The following EML6 variants were observed in gnomAD, a reference collection of about 807,000 sequenced individuals.
EML6 encodes the protein EMAP like 6, also known as echinoderm microtubule-associated protein-like 6.
A neutral mutation model predicts 240.1 loss-of-function variants in EML6; 154 were observed. The observed-to-expected ratio is 0.64, with a 90% CI of 0.56 to 0.73. EML6 has a LOEUF of 0.73. Ranked by LOEUF, EML6 falls within the 30% of genes least tolerant of loss-of-function variation. The probability of loss-of-function intolerance (pLI) is 0.00; values close to 1 mark genes in which losing one functional copy is unlikely to be tolerated. For missense variants in EML6, 2,964 were observed against 2,474.6 expected (o/e 1.20, Z -4.20); for synonymous variants, 1,148 against 899.0 (o/e 1.28, Z -4.95).
Position 54,779,546 on chromosome 2 carries a change from C to CAA in EML6, c.198-33669_198-33668dup, listed in dbSNP as rs57641161. Among the ~76,000 whole-genome samples, 87 of 96,700 alleles carry CAA rather than the reference C, an allele frequency of 9.0e-4. 1 individual carries two copies. Among genetic ancestry groups the CAA allele is most frequent in the African/African-American group, 2.7e-3 (68 of 25,356 alleles). 63.4% of individuals were successfully genotyped at this position (96,700 alleles called of 152,430 possible). ...GGGCGACAAAAGTGAGACTCTGTCT[C>CAA]AAAAAAAAAAAAAAAAAAGAATATA... On this transcript the variant is annotated intron_variant, in intron 2 of 41. Transcript: ENST00000356458.
At chr2:54,849,512 G>A (rs773376922) in intron 9 of EML6, among the ~76,000 whole-genome samples, 9 of 152,120 alleles carry the variant, frequency 5.9e-5, no homozygotes, top group Non-Finnish European at 1.2e-4. Context: ...ATTTTAAGAC[G>A]GAGTCTTGCT....
At chr2:54,968,573 G>A (rs532083701) in intron 40 of EML6, 95 bp from the exon 41 acceptor site, 1 of 788,488 alleles carries the variant, frequency 1.3e-6, no homozygotes, top group Admixed American at 2.1e-5. Context: ...GTGAAGGAAG[G>A]TTCTGGGAGC....
At chr2:54,800,334 C>A (rs931103821) in intron 2 of EML6, among the ~76,000 whole-genome samples, 2 of 152,148 alleles carry the variant, frequency 1.3e-5, no homozygotes, top group Non-Finnish European at 2.9e-5. Context: ...GTATCCCCCA[C>A]TGTTCCATCA....
At chr2:54,797,054 G>A (rs1669824422) in intron 2 of EML6, among the ~76,000 whole-genome samples, 1 of 151,020 alleles carries the variant, frequency 6.6e-6, no homozygotes, top group Non-Finnish European at 1.5e-5. Flanking sequence ...AGTCCCAGCT[G>A]CTCAGGAGGC....
rs35189000 is a variant in EML6 at position 54,801,319 on chromosome 2, G to GAAA, written c.198-11900_198-11898dup. 1.1e-3 allele frequency among the ~76,000 whole-genome samples: 108 copies of GAAA among 94,938 alleles called. 2 individuals carry two copies. The highest frequency in any genetic ancestry group is 1.3e-3 in the South Asian group (4 of 3,006). The allele number at this position is 94,938 out of a possible 152,430, so 62.3% of individuals were successfully genotyped here. On this transcript the variant is annotated intron_variant, in intron 2 of 41. Coordinates refer to ENST00000356458, the MANE Select transcript of EML6 (RefSeq NM_001039753.4). ...TACAGAGCGAGACTCTGTCTCAAAA[G>GAAA]AAAAAAAAAAAAAAAGGTTTCTCAT...
At chr2:54,801,212 C>T (rs1212056531) in intron 2 of EML6, among the ~76,000 whole-genome samples, 2 of 151,212 alleles carry the variant, frequency 1.3e-5, no homozygotes, top group African/African-American at 4.9e-5. Context: ...CCCAGATCCT[C>T]GGGAGGCTGG....
At chr2:54,968,351 T>C in intron 40 of EML6, 70 bp downstream of exon 40, 3 of 1,402,316 alleles carry the variant, frequency 2.1e-6, no homozygotes, top group South Asian at 1.2e-5. Flanking sequence ...AGGGGCCACG[T>C]CTAGATGGCC....
Position 54,959,221 on chromosome 2 carries a change from C to T in EML6, c.4813C>T (p.Leu1605Phe), listed in dbSNP as rs1202956188. The T allele has an allele frequency of 1.9e-6, 3 of 1,550,556 alleles. No individual in the cohort carries two copies. Among genetic ancestry groups the T allele is most frequent in the Non-Finnish European group, 2.6e-6 (3 of 1,146,498 alleles). Residue 1605 changes from leucine (L) to phenylalanine (F), a missense_variant, in exon 34 of 42, where the codon CTT (leucine) becomes TTT (phenylalanine). Coordinates refer to ENST00000356458, the MANE Select transcript of EML6 (RefSeq NM_001039753.4). ...CCCCGTGTTCACAATGTACACAACC[C>T]TTCGGGATGGACTCATAGTGACCGG... is the stretch of plus-strand genomic sequence containing the variant. ...TGPVFTMYTT[L>F]RDGLIVTGGK...
chr2:54,733,922 G>A (rs1683277823), intron 2 of EML6, among the ~76,000 whole-genome samples: 2 of 152,176 alleles, frequency 1.3e-5, no homozygotes, highest in Admixed American at 6.5e-5. Flanking sequence ...ACTACAGAAG[G>A]TGGAGTAGAA....
chr2:54,903,613 TC>T, intron 24 of EML6, 111 bp downstream of exon 24: 1 of 624,410 alleles, frequency 1.6e-6, no homozygotes, highest in Non-Finnish European at 2.5e-6. Context: ...GAAAGGGGAA[TC>T]CCACAACAAT....
chr2:54,965,637 G>GT (rs1676715336), intron 38 of EML6, among the ~76,000 whole-genome samples: 1 of 152,164 alleles, frequency 6.6e-6, no homozygotes, highest in Non-Finnish European at 1.5e-5. Flanking sequence ...TGAAATCATA[G>GT]GGAGTTGAAG....
intron 17 of EML6, 32 bp from the exon 18 acceptor site, chr2:54,891,022 C>G (rs1238506011): frequency 1.8e-6 from 2 of 1,115,682 alleles, no homozygotes; most frequent in East Asian, 2.6e-5. Flanking sequence ...TCCATCCAAA[C>G]TAGAATCTTA....
Position 54,829,372 on chromosome 2 carries a change from G to A in EML6, c.742G>A (p.Glu248Lys). Reference sequence around the variant, plus strand: ...AATCTTTAGCATGTATGCTTGTGAAGAAGGCTTTGCCACTGGTGGGCGAGA... The same window carrying A: ...AATCTTTAGCATGTATGCTTGTGAAAAAGGCTTTGCCACTGGTGGGCGAGA... ...AGIFSMYACE[E>K]GFATGGRDGC... is the part of the protein sequence containing the mutation. Residue 248 changes from glutamate (E) to lysine (K), a missense_variant, in exon 7 of 42, where the codon GAA becomes AAA. By Grantham distance (56) the Glu-to-Lys change is moderately conservative. Coordinates refer to ENST00000356458, the MANE Select transcript of EML6 (RefSeq NM_001039753.4). 1 of 1,551,866 alleles carries A rather than the reference G, an allele frequency of 6.4e-7. No homozygotes were observed. Among genetic ancestry groups the A allele is most frequent in the South Asian group, 1.2e-5 (1 of 84,052 alleles).
intron 9 of EML6, among the ~76,000 whole-genome samples, chr2:54,848,489 A>C (rs891813918): frequency 6.9e-6 from 1 of 144,472 alleles, no homozygotes; most frequent in South Asian, 2.3e-4. Flanking sequence ...TGAGTACCAG[A>C]TTTCTTTTTC....
At chr2:54,756,341 A>C (rs567343030) in intron 2 of EML6, among the ~76,000 whole-genome samples, 1 of 152,310 alleles carries the variant, frequency 6.6e-6, no homozygotes, top group African/African-American at 2.4e-5. Context: ...AGAAGTTCTC[A>C]ATGGAAAGGT....
At chr2:54,963,424 A>G (rs1676612567) in intron 36 of EML6, among the ~76,000 whole-genome samples, 1 of 152,358 alleles carries the variant, frequency 6.6e-6, no homozygotes, top group South Asian at 2.1e-4. Context: ...CAGTGCCTAC[A>G]ATAACCTTGC....
chr2:54,847,821 C>T (rs1669852569), intron 9 of EML6, among the ~76,000 whole-genome samples, 198 bp downstream of exon 9: 1 of 152,124 alleles, frequency 6.6e-6, no homozygotes, highest in Non-Finnish European at 1.5e-5. Context: ...GATAATTTGG[C>T]AGCACAGTCT....
intron 7 of EML6, among the ~76,000 whole-genome samples, chr2:54,839,851 G>T (rs79917457): frequency 0.21 from 17,550 of 84,446 alleles, 1,029 homozygotes; most frequent in East Asian, 0.48. Context: ...GGCTGAGTTG[G>T]AAGGTTTTGG....
chr2:54,861,769 GTTT>G (rs761153394), intron 12 of EML6, among the ~76,000 whole-genome samples: 3 of 121,950 alleles, frequency 2.5e-5, no homozygotes, highest in Non-Finnish European at 5.3e-5. Context: ...GAGGTTTTTT[GTTT>G]TTTTTTTTTT....
Sources: gnomAD v4.1 joint callset for allele counts (sites outside exome capture counted in the v4.1 genomes callset) on GRCh38, gnomAD v4.1.1 for gene constraint, MANE v1.5 for transcripts, NCBI Gene and HGNC (gene_info 2026-07-23, HGNC 2026-07-21) for gene names.